Variants in SPMIP4 observed in about 807,000 individuals in gnomAD.
SPMIP4 encodes sperm microtubule inner protein 4.
the SPMIP4 span, among the ~76,000 whole-genome samples, chr7:25,134,156 A>T: frequency 1.3e-5 from 2 of 152,022 alleles, no homozygotes; most frequent in African/African-American, 4.8e-5. Flanking sequence ...GCTACTTGGG[A>T]GGCTGAGGCA....
the SPMIP4 span, among the ~76,000 whole-genome samples, chr7:25,143,486 C>A: frequency 6.0e-4 from 92 of 152,102 alleles, no homozygotes; most frequent in African/African-American, 2.2e-3. Context: ...ATCTTGCCAT[C>A]CAGGAACATA....
the SPMIP4 span, among the ~76,000 whole-genome samples, chr7:25,145,528 T>C: frequency 6.6e-6 from 1 of 152,132 alleles, no homozygotes; most frequent in Non-Finnish European, 1.5e-5. Flanking sequence ...GTGGAAGTCA[T>C]TCACTCCAAA....
the SPMIP4 span, among the ~76,000 whole-genome samples, chr7:25,152,798 C>G: frequency 7.1e-6 from 1 of 140,748 alleles, no homozygotes; most frequent in Non-Finnish European, 1.5e-5. Context: ...GGCTGGAGTG[C>G]AGTGGCATGA....
chr7:25,133,678 A>C, the SPMIP4 span, among the ~76,000 whole-genome samples: 1 of 152,244 alleles, frequency 6.6e-6, no homozygotes, highest in African/African-American at 2.4e-5. Context: ...ATAGCTTTTA[A>C]AAATTAATGG....
chr7:25,156,656 C>G, the SPMIP4 span, among the ~76,000 whole-genome samples: 1 of 152,206 alleles, frequency 6.6e-6, no homozygotes, highest in South Asian at 2.1e-4. Flanking sequence ...TGTCCCCAAT[C>G]AAAGGAGTCA....
At chr7:25,139,518 C>A in the SPMIP4 span, among the ~76,000 whole-genome samples, 1 of 151,736 alleles carries the variant, frequency 6.6e-6, no homozygotes, top group East Asian at 1.9e-4. Flanking sequence ...AGAGATAATA[C>A]AAATGAGAGT....
At chr7:25,157,386 C>G in the SPMIP4 span, among the ~76,000 whole-genome samples, 1 of 152,174 alleles carries the variant, frequency 6.6e-6, no homozygotes. Context: ...AGAACTTCTT[C>G]TAGAGTGCAG....
chr7:25,155,053 C>T, the SPMIP4 span: 3 of 1,614,040 alleles, frequency 1.9e-6, no homozygotes, highest in Middle Eastern at 1.6e-4. Flanking sequence ...TTGGTTGGCA[C>T]CGTGGGAGGA....
the SPMIP4 span, among the ~76,000 whole-genome samples, chr7:25,139,114 G>C: frequency 6.6e-6 from 1 of 151,884 alleles, no homozygotes; most frequent in Non-Finnish European, 1.5e-5. Context: ...CTCGATGAAT[G>C]TACACTTAAG....
the SPMIP4 span, chr7:25,135,027 A>G: frequency 1.4e-6 from 1 of 726,908 alleles, no homozygotes. Flanking sequence ...TCATAAAATT[A>G]AAATAAATAT....
chr7:25,126,411 A>T, the SPMIP4 span, among the ~76,000 whole-genome samples: 1 of 152,000 alleles, frequency 6.6e-6, no homozygotes, highest in African/African-American at 2.4e-5. Flanking sequence ...TCCTGACCTC[A>T]GGTGATTCAC....
chr7:25,168,887 G>A, the SPMIP4 span, among the ~76,000 whole-genome samples: 2 of 151,644 alleles, frequency 1.3e-5, no homozygotes, highest in Non-Finnish European at 2.9e-5. Flanking sequence ...CATCACACCC[G>A]GGTAATTTTT....
chr7:25,147,742 T>G, the SPMIP4 span, among the ~76,000 whole-genome samples: 1 of 152,240 alleles, frequency 6.6e-6, no homozygotes, highest in African/African-American at 2.4e-5. Context: ...ACCATTGTAA[T>G]AATAATACCG....
the SPMIP4 span, among the ~76,000 whole-genome samples, chr7:25,161,468 C>G: frequency 1.3e-5 from 2 of 151,962 alleles, no homozygotes; most frequent in South Asian, 4.1e-4. Flanking sequence ...AACTCCTGGG[C>G]TCAAGAGATC....
the SPMIP4 span, among the ~76,000 whole-genome samples, chr7:25,152,017 C>T: frequency 6.6e-6 from 1 of 152,144 alleles, no homozygotes; most frequent in Non-Finnish European, 1.5e-5. Flanking sequence ...TGTGCAGGAG[C>T]AGCATGTGGG....
At chr7:25,153,535 G>GC in the SPMIP4 span, among the ~76,000 whole-genome samples, 1 of 149,384 alleles carries the variant, frequency 6.7e-6, no homozygotes, top group African/African-American at 2.5e-5. Flanking sequence ...TGCACTCTAG[G>GC]CCTGGGCAAC....
chr7:25,140,730 G>C, the SPMIP4 span, among the ~76,000 whole-genome samples: 3 of 151,180 alleles, frequency 2.0e-5, no homozygotes, highest in African/African-American at 7.3e-5. Context: ...TGGGATTACA[G>C]GCGCCCACCA....
At chr7:25,179,151 T>C in the SPMIP4 span, 1 of 1,578,822 alleles carries the variant, frequency 6.3e-7, no homozygotes, top group Non-Finnish European at 8.6e-7. Flanking sequence ...TTTTCTTGTT[T>C]GCTTTTTCTA....
the SPMIP4 span, among the ~76,000 whole-genome samples, chr7:25,147,927 A>G: frequency 0.26 from 40,272 of 152,024 alleles, 6,022 homozygotes; most frequent in African/African-American, 0.42. Flanking sequence ...CACAGAACTG[A>G]TAAGTTTTAG....
Sources: gnomAD v4.1 joint callset for allele counts (sites outside exome capture counted in the v4.1 genomes callset) on GRCh38, gnomAD v4.1.1 for gene constraint, MANE v1.5 for transcripts, NCBI Gene and HGNC (gene_info 2026-07-23, HGNC 2026-07-21) for gene names.